The following ZMYM6 variants were observed in gnomAD, a reference collection of about 807,000 sequenced individuals.
ZMYM6 encodes zinc finger MYM-type protein 6.
Under a neutral mutation model 134.0 loss-of-function variants are expected in ZMYM6, and 90 were observed. The observed-to-expected ratio is 0.67, with a 90% CI of 0.57 to 0.80. The LOEUF (loss-of-function observed/expected upper bound fraction) is 0.80. Among genes scored for constraint, ZMYM6 ranks in the 30% least tolerant of loss-of-function variants. The pLI is 0.00. For missense variants in ZMYM6, 1,362 were observed against 1,533.9 expected, an observed-to-expected ratio of 0.89 and a Z score of 1.87; for synonymous variants, 481 against 524.1, an observed-to-expected ratio of 0.92 and a Z score of 1.12.
intron 3 of ZMYM6, among the ~76,000 whole-genome samples, chr1:35,019,994 T>A (rs1484766265): frequency 1.3e-5 from 2 of 152,026 alleles, no homozygotes; most frequent in African/African-American, 4.8e-5. Context: ...CAGGACAAAT[T>A]CCCAATCTTG....
chr1:35,013,254 A>G lies in ZMYM6; in HGVS notation c.796-673T>C, dbSNP rs181126196. The stretch of plus-strand genomic sequence containing the variant: ...CGCTCTCAAAAATTACATTAACAAA[A>G]AGTTTAAATTAACAGATGAGCAGAA... On this transcript the variant is annotated intron_variant, in intron 6 of 15. Coordinates refer to ENST00000357182, the MANE Select transcript of ZMYM6 (RefSeq NM_007167.4). 46 of 778,450 alleles carry G rather than the reference A, an allele frequency of 5.9e-5. No homozygotes were observed. The East Asian group carries it at 5.1e-3, about 87-fold the overall frequency. The allele number at this position is 778,450 out of a possible 1,614,324, so 48.2% of individuals were successfully genotyped here. A position where few individuals can be genotyped will look rare whatever the true frequency, so the allele number is the denominator to read the frequency against.
intron 4 of ZMYM6, among the ~76,000 whole-genome samples, chr1:35,015,463 T>C (rs1478782382): frequency 2.6e-5 from 4 of 151,898 alleles, no homozygotes; most frequent in Non-Finnish European, 5.9e-5. Flanking sequence ...CGGTGGTTCA[T>C]GCATGTAATC....
At chr1:35,014,579 G>A in intron 6 of ZMYM6, 118 bp downstream of exon 6, 2 of 1,006,108 alleles carry the variant, frequency 2.0e-6, no homozygotes, top group South Asian at 1.8e-5. Context: ...TTCTGGAAGG[G>A]AAATCACATA....
At chr1:34,992,794 CTA>C (rs1640706259) in intron 14 of ZMYM6, among the ~76,000 whole-genome samples, 1 of 135,364 alleles carries the variant, frequency 7.4e-6, no homozygotes, top group South Asian at 2.2e-4. Flanking sequence ...TACTTATAAA[CTA>C]TAAATATAAA....
intron 14 of ZMYM6, among the ~76,000 whole-genome samples, chr1:35,001,195 T>C (rs988008979): frequency 6.6e-6 from 1 of 151,996 alleles, no homozygotes; most frequent in African/African-American, 2.4e-5. Flanking sequence ...AAATTTAAAA[T>C]CATTTAAGTA....
chr1:35,001,208 T>C (rs778120858), intron 14 of ZMYM6, among the ~76,000 whole-genome samples: 2 of 152,060 alleles, frequency 1.3e-5, no homozygotes, highest in Admixed American at 6.6e-5. Context: ...TTTAAGTAAC[T>C]TGAGGGAGAT....
intron 2 of ZMYM6, among the ~76,000 whole-genome samples, chr1:35,022,226 A>T (rs1641324612): frequency 6.6e-6 from 1 of 152,192 alleles, no homozygotes; most frequent in Admixed American, 6.5e-5. Context: ...AAGGTCACAA[A>T]GAGACTACGT....
intron 14 of ZMYM6, among the ~76,000 whole-genome samples, chr1:35,000,421 T>A (rs1385722520): frequency 6.6e-6 from 1 of 151,818 alleles, no homozygotes; most frequent in Non-Finnish European, 1.5e-5. Flanking sequence ...GTATTTTCAG[T>A]AGAGATGGGG....
At chr1:35,024,449 C>CA (rs1641368524) in intron 2 of ZMYM6, among the ~76,000 whole-genome samples, 1 of 152,164 alleles carries the variant, frequency 6.6e-6, no homozygotes, top group Non-Finnish European at 1.5e-5. Context: ...GCCCTTTAAA[C>CA]ACAACAGACC....
intron 14 of ZMYM6, among the ~76,000 whole-genome samples, chr1:35,002,233 C>G: frequency 6.6e-6 from 1 of 152,216 alleles, no homozygotes; most frequent in East Asian, 1.9e-4. Flanking sequence ...TGCAAATCTA[C>G]CTTCTGTTCT....
At chr1:35,019,636 A>T (rs772401786) in intron 3 of ZMYM6, 34 bp from the exon 4 acceptor site, 1 of 1,548,082 alleles carries the variant, frequency 6.5e-7, no homozygotes, top group Non-Finnish European at 8.7e-7. Context: ...TTTTAGTATC[A>T]ATACTAATGC....
intron 4 of ZMYM6, among the ~76,000 whole-genome samples, chr1:35,015,743 A>AAAAAAAAAAATATAT: frequency 2.8e-5 from 3 of 106,470 alleles, no homozygotes; most frequent in African/African-American, 1.3e-4. Flanking sequence ...AAAAAAAAAA[A>AAAAAAAAAAATATAT]ATATATATAT....
In ZMYM6 at chr1:34,992,244, T is replaced by A; in HGVS notation, c.2136A>T (p.Glu712Asp). The A allele has an allele frequency of 4.3e-6, 7 of 1,614,006 alleles. No individual in the cohort carries two copies. The highest frequency in any genetic ancestry group is 5.1e-6 in the Non-Finnish European group (6 of 1,179,912). The change falls in exon 15 of 16, where the codon GAA (glutamate) becomes GAT (aspartate). Residue 712 changes from glutamate (E) to aspartate (D), a missense_variant. By Grantham distance (45) the Glu-to-Asp change is conservative. This residue lies in a region of ZMYM6 where 824 missense variants were observed against 940.9 expected (regional missense o/e 0.88). Coordinates refer to ENST00000357182, the MANE Select transcript of ZMYM6 (RefSeq NM_007167.4). The part of the protein sequence containing the change: ...TSCKPHTQHK[E>D]CQTDLPMPNE... ...CACAAGGATACATACCTGTCTGACA[T>A]TCTTTGTGCTGTGTATGTGGTTTGC...
intron 14 of ZMYM6, among the ~76,000 whole-genome samples, chr1:34,995,997 C>G (rs1430212166): frequency 6.6e-6 from 1 of 151,968 alleles, no homozygotes; most frequent in Non-Finnish European, 1.5e-5. Flanking sequence ...TGAAGAATCC[C>G]TGATGAACAT....
chr1:35,020,550 T>C, intron 2 of ZMYM6, 83 bp from the exon 3 acceptor site: 1 of 912,186 alleles, frequency 1.1e-6, no homozygotes, highest in South Asian at 2.9e-5. Context: ...AAAAAAATTA[T>C]TCTATCCTAT....
intron 4 of ZMYM6, chr1:35,018,743 C>T (rs72909427): frequency 0.056 from 8,594 of 152,364 alleles, 718 homozygotes; most frequent in African/African-American, 0.19. Context: ...TGTTTTTTGC[C>T]TGTAGTGACT....
rs149797381 is a variant in ZMYM6 at position 35,028,813 on chromosome 1, C to T, written c.93+1734G>A. 6.0e-3 allele frequency among the ~76,000 whole-genome samples: 915 copies of T among 152,024 alleles called. 7 individuals are homozygous for T. Among genetic ancestry groups the T allele is most frequent in the African/African-American group, 0.021 (855 of 41,510 alleles). On this transcript the variant is annotated intron_variant, in intron 2 of 15. Coordinates refer to ENST00000357182, the MANE Select transcript of ZMYM6 (RefSeq NM_007167.4). ...TGTGCCCAGCCTCCACATTGATTTC[C>T]GTGCTCTCCATTCTGGGTCCCTATG... is the stretch of plus-strand genomic sequence containing the variant.
chr1:35,028,411 TA>T (rs1641454887), intron 2 of ZMYM6, among the ~76,000 whole-genome samples: 1 of 152,108 alleles, frequency 6.6e-6, no homozygotes, highest in Non-Finnish European at 1.5e-5. Flanking sequence ...GCTGATACAA[TA>T]AAGTCAATAA....
At chr1:34,994,881 C>A (rs990117427) in intron 14 of ZMYM6, among the ~76,000 whole-genome samples, 16 of 150,384 alleles carry the variant, frequency 1.1e-4, no homozygotes, top group African/African-American at 3.7e-4. Flanking sequence ...AACCATGGAT[C>A]ATACCGAAGC....
Sources: allele counts gnomAD v4.1 joint callset (sites outside exome capture counted in the v4.1 genomes callset), GRCh38; gene constraint gnomAD v4.1.1; regional missense constraint gnomAD v4.1.1; transcripts MANE v1.5; gene names NCBI Gene and HGNC (gene_info 2026-07-23, HGNC 2026-07-21).